Variants in HPSE2 observed in about 807,000 individuals in gnomAD.
HPSE2 encodes the protein heparanase 2 (inactive), also known as inactive heparanase-2.
HPSE2 carries 38 observed loss-of-function variants against 60.5 expected under a neutral mutation model. The observed-to-expected ratio is 0.63, with a 90% CI of 0.48 to 0.82. HPSE2 has a LOEUF of 0.82. Ranked by LOEUF, HPSE2 falls within the 40% of genes least tolerant of loss-of-function variation. The pLI, the probability that HPSE2 is intolerant of heterozygous loss-of-function variation, is 0.00. For missense variants in HPSE2, 713 were observed against 740.4 expected (o/e 0.96, Z 0.43); for synonymous variants, 295 against 293.2 (o/e 1.01, Z -0.06).
At chr10:98,818,563 G>A (rs955822615) in intron 3 of HPSE2, among the ~76,000 whole-genome samples, 2 of 152,062 alleles carry the variant, frequency 1.3e-5, no homozygotes, top group Admixed American at 6.5e-5. Context: ...CAGGTGTTGT[G>A]GATCCCTGCT....
At chr10:98,596,600 T>C (rs1203420974) in intron 9 of HPSE2, among the ~76,000 whole-genome samples, 1 of 152,166 alleles carries the variant, frequency 6.6e-6, no homozygotes, top group Non-Finnish European at 1.5e-5. Flanking sequence ...GAAGTGCAAC[T>C]TTCCTGGGTA....
intron 3 of HPSE2, among the ~76,000 whole-genome samples, chr10:98,793,291 T>TA (rs1472012842): frequency 6.6e-6 from 1 of 152,258 alleles, no homozygotes; most frequent in Non-Finnish European, 1.5e-5. Context: ...GACAGCACTT[T>TA]AGGTGTTAAC....
intron 3 of HPSE2, among the ~76,000 whole-genome samples, chr10:98,972,843 T>C (rs1294802475): frequency 1.3e-5 from 2 of 152,178 alleles, no homozygotes; most frequent in Non-Finnish European, 2.9e-5. Flanking sequence ...CCCAGAAATG[T>C]AGTCTCACGT....
Position 98,840,075 on chromosome 10 carries a change from T to C in HPSE2, c.611-96019A>G, listed in dbSNP as rs1466305798. Among the ~76,000 whole-genome samples the C allele has an allele frequency of 3.3e-5, 5 of 152,224 alleles. No individual in the cohort carries two copies. The South Asian group carries it at 6.2e-4, about 19-fold the overall frequency. On this transcript the variant is annotated intron_variant, in intron 3 of 11. Coordinates refer to ENST00000370552, the MANE Select transcript of HPSE2 (RefSeq NM_021828.5). ...ATTCAGTGACTTGTCCAAGGCCTTA[T>C]AGTTGGTGATTTTGAACTCAAGTTG... is the stretch of plus-strand genomic sequence containing the variant.
chr10:98,999,347 T>C (rs1346402761), intron 3 of HPSE2, among the ~76,000 whole-genome samples: 1 of 152,202 alleles, frequency 6.6e-6, no homozygotes, highest in Admixed American at 6.5e-5. Context: ...GTGGGCAATT[T>C]CCAGGTGCCT....
chr10:99,264,569 ACT>A, the HPSE2 span, among the ~76,000 whole-genome samples: 1 of 152,106 alleles, frequency 6.6e-6, no homozygotes, highest in Non-Finnish European at 1.5e-5. Flanking sequence ...ACATAAAAAA[ACT>A]CAAGGGTGGA....
At chr10:98,911,066 GGAA>G (rs1953964128) in intron 3 of HPSE2, among the ~76,000 whole-genome samples, 2 of 152,184 alleles carry the variant, frequency 1.3e-5, no homozygotes, top group African/African-American at 4.8e-5. Flanking sequence ...AAGAGGAAAG[GGAA>G]GAAGGAGAAA....
At chr10:98,660,314 T>C (rs1947188070) in intron 6 of HPSE2, among the ~76,000 whole-genome samples, 1 of 152,134 alleles carries the variant, frequency 6.6e-6, no homozygotes, top group South Asian at 2.1e-4. Flanking sequence ...CCTTTTCCTG[T>C]TGTGTTGGGT....
intron 9 of HPSE2, among the ~76,000 whole-genome samples, chr10:98,544,151 A>G (rs1943570725): frequency 6.6e-6 from 1 of 152,228 alleles, no homozygotes; most frequent in Non-Finnish European, 1.5e-5. Flanking sequence ...CAGTGCAATC[A>G]AACTAGAACT....
chr10:98,896,419 T>G (rs534954321), intron 3 of HPSE2, among the ~76,000 whole-genome samples: 1 of 152,258 alleles, frequency 6.6e-6, no homozygotes, highest in African/African-American at 2.4e-5. Context: ...CAGTAGACAG[T>G]GCAACAGGGA....
intron 3 of HPSE2, among the ~76,000 whole-genome samples, chr10:99,035,685 T>C (rs1169423802): frequency 6.6e-6 from 1 of 152,200 alleles, no homozygotes; most frequent in Non-Finnish European, 1.5e-5. Context: ...AACACATGAG[T>C]AATGCACTGT....
At chr10:98,722,095 T>A (rs1589706499) in intron 4 of HPSE2, among the ~76,000 whole-genome samples, 1 of 151,264 alleles carries the variant, frequency 6.6e-6, no homozygotes, top group Non-Finnish European at 1.5e-5. Flanking sequence ...TGCTACTTCA[T>A]AACGAATTGT....
At chr10:98,831,469 C>T (rs886709122) in intron 3 of HPSE2, among the ~76,000 whole-genome samples, 9 of 152,170 alleles carry the variant, frequency 5.9e-5, no homozygotes, top group African/African-American at 2.2e-4. Flanking sequence ...ACTAGCACAA[C>T]TGAGTAACAG....
chr10:98,722,814 G>A (rs996800381), intron 4 of HPSE2, among the ~76,000 whole-genome samples: 2 of 152,018 alleles, frequency 1.3e-5, no homozygotes, highest in African/African-American at 4.8e-5. Flanking sequence ...ATACTGGCAG[G>A]TACAAGAAAT....
chr10:98,782,885 TG>T (rs1950506102), intron 3 of HPSE2, among the ~76,000 whole-genome samples: 1 of 137,874 alleles, frequency 7.3e-6, no homozygotes, highest in Admixed American at 7.2e-5. Flanking sequence ...AATAATGGGT[TG>T]AGTGGGTCTA....
intron 6 of HPSE2, among the ~76,000 whole-genome samples, chr10:98,643,317 T>C (rs1157913278): frequency 1.3e-5 from 2 of 152,218 alleles, no homozygotes; most frequent in Non-Finnish European, 2.9e-5. Context: ...AGATGTAAAG[T>C]TCCTGGCATA....
chr10:98,872,227 C>T (rs1952753117), intron 3 of HPSE2, among the ~76,000 whole-genome samples: 2 of 151,992 alleles, frequency 1.3e-5, no homozygotes, highest in African/African-American at 4.8e-5. Context: ...AATCAAATTC[C>T]TCTAAAAGGA....
At position 98,560,072 on chromosome 10, in the gene HPSE2, A is replaced by T. The variant is rs567439050; in HGVS notation, c.1320+54832T>A. On this transcript the variant is annotated intron_variant, in intron 9 of 11. Transcript: ENST00000370552. Reference sequence around the variant, plus strand: ...ACAGACTTTACTGTATAGGTAGTGAAGACTATTAAAAGGTTTTTAAAAATA... The same window carrying T: ...ACAGACTTTACTGTATAGGTAGTGATGACTATTAAAAGGTTTTTAAAAATA... Among the ~76,000 whole-genome samples, 113 of 152,308 alleles carry T rather than the reference A, an allele frequency of 7.4e-4. 1 individual carries two copies. The highest frequency in any genetic ancestry group is 5.9e-5 in the Non-Finnish European group (4 of 68,032).
At chr10:98,608,642 T>C (rs1204829021) in intron 9 of HPSE2, among the ~76,000 whole-genome samples, 1 of 152,148 alleles carries the variant, frequency 6.6e-6, no homozygotes, top group Non-Finnish European at 1.5e-5. Flanking sequence ...TGAGTCTCAG[T>C]GATTGATCCT....
Sources: gnomAD v4.1 joint callset for allele counts (sites outside exome capture counted in the v4.1 genomes callset) on GRCh38, gnomAD v4.1.1 for gene constraint, MANE v1.5 for transcripts, NCBI Gene and HGNC (gene_info 2026-07-23, HGNC 2026-07-21) for gene names.